CHRM3: variants seen among roughly 807,000 people sequenced by gnomAD.
The protein encoded by CHRM3 is cholinergic receptor muscarinic 3.
In CHRM3, 11 loss-of-function variants were observed where a neutral mutation model predicts 41.8. The ratio of observed to expected loss-of-function variants is 0.26; its 90% confidence interval spans 0.17 to 0.44. The LOEUF is 0.44. Ranked by LOEUF, CHRM3 falls within the 20% of genes least tolerant of loss-of-function variation. The pLI, the probability that CHRM3 is intolerant of heterozygous loss-of-function variation, is 1.00. For missense variants in CHRM3, 571 were observed against 745.4 expected (o/e 0.77, Z 2.72); for synonymous variants, 297 against 301.4 (o/e 0.99, Z 0.15).
intron 3 of CHRM3, among the ~76,000 whole-genome samples, chr1:239,621,865 CCA>C (rs1668400846): frequency 1.4e-5 from 2 of 143,290 alleles, no homozygotes; most frequent in African/African-American, 5.0e-5. Context: ...TGTAGATCGA[CCA>C]GCCTTCTGCT....
At chr1:239,660,211 G>A (rs1327204194) in intron 4 of CHRM3, among the ~76,000 whole-genome samples, 2 of 152,072 alleles carry the variant, frequency 1.3e-5, no homozygotes, top group African/African-American at 4.8e-5. Flanking sequence ...TCCAACTCCT[G>A]GCCTCAAGTG....
At chr1:239,737,271 ATGAGTAG>A (rs1279585531) in intron 5 of CHRM3, among the ~76,000 whole-genome samples, 1 of 152,166 alleles carries the variant, frequency 6.6e-6, no homozygotes, top group Non-Finnish European at 1.5e-5. Flanking sequence ...CTTTATCACC[ATGAGTAG>A]TGAGTAAAGC....
intron 5 of CHRM3, among the ~76,000 whole-genome samples, chr1:239,741,029 CTG>C (rs1664804240): frequency 6.6e-6 from 1 of 152,092 alleles, no homozygotes; most frequent in South Asian, 2.1e-4. Context: ...AACTCTTTGT[CTG>C]TGTTCTGTAA....
chr1:239,694,993 A>C (rs1660051605), intron 5 of CHRM3, among the ~76,000 whole-genome samples: 1 of 152,076 alleles, frequency 6.6e-6, no homozygotes, highest in Non-Finnish European at 1.5e-5. Flanking sequence ...GATTATTGAA[A>C]TGTTTTACTC....
chr1:239,736,366 G>T (rs1558498277), intron 5 of CHRM3, among the ~76,000 whole-genome samples: 1 of 151,782 alleles, frequency 6.6e-6, no homozygotes, highest in Non-Finnish European at 1.5e-5. Flanking sequence ...ACAAGGTGTA[G>T]TTAAAGCCAC....
intron 3 of CHRM3, among the ~76,000 whole-genome samples, chr1:239,558,689 C>T (rs1338756061): frequency 6.6e-6 from 1 of 152,176 alleles, no homozygotes; most frequent in Non-Finnish European, 1.5e-5. Flanking sequence ...TGGGCTGGCC[C>T]ATGTTCTCTT....
chr1:239,567,085 CA>C (rs1407659916), intron 3 of CHRM3, among the ~76,000 whole-genome samples: 2 of 152,018 alleles, frequency 1.3e-5, no homozygotes, highest in Non-Finnish European at 2.9e-5. Flanking sequence ...TTGCTCTTTC[CA>C]AACCATAAAC....
intron 5 of CHRM3, among the ~76,000 whole-genome samples, chr1:239,803,093 A>G (rs1424344136): frequency 6.6e-6 from 1 of 152,202 alleles, no homozygotes; most frequent in Non-Finnish European, 1.5e-5. Flanking sequence ...TGCATTCCTT[A>G]CATCACAATA....
chr1:239,754,676 G>T (rs115206404), intron 5 of CHRM3, among the ~76,000 whole-genome samples: 2 of 152,268 alleles, frequency 1.3e-5, no homozygotes, highest in East Asian at 3.9e-4. Context: ...ATATGAAAAG[G>T]CAGTCCACTC....
chr1:239,908,042 T>G lies in CHRM3; in HGVS notation c.591T>G (p.Phe197Leu), dbSNP rs202207074. 25 of 1,614,084 alleles carry G rather than the reference T, an allele frequency of 1.5e-5. No individual in the cohort carries two copies. Among genetic ancestry groups the G allele is most frequent in the Non-Finnish European group, 2.0e-5 (24 of 1,180,058 alleles). ...TCGGTCTGGCTTGGGTCATCTCCTT[T>G]GTCCTTTGGGCTCCTGCCATCTTGT... ...VMIGLAWVIS[F>L]VLWAPAILFW... is the part of the protein sequence containing the mutation. The change falls in exon 7 of 7, where the codon TTT becomes TTG. Residue 197 changes from phenylalanine to leucine, a missense_variant. Phe to Leu is a conservative substitution (Grantham distance 22). This residue lies in a region of CHRM3 where 153 missense variants were observed against 296.3 expected (regional missense o/e 0.52). Coordinates refer to ENST00000676153, the MANE Select transcript of CHRM3 (RefSeq NM_001375978.1). This position sits in a 1 kb window ranked among gnomAD's most constrained non-coding sequence, Gnocchi z 7.2.
intron 1 of CHRM3, among the ~76,000 whole-genome samples, chr1:239,412,541 A>T (rs1661182372): frequency 6.6e-6 from 1 of 150,780 alleles, no homozygotes; most frequent in Non-Finnish European, 1.5e-5. Context: ...ACAATTGTTC[A>T]GGTACGTGCC....
intron 2 of CHRM3, among the ~76,000 whole-genome samples, chr1:239,515,548 G>A (rs1227069668): frequency 6.6e-6 from 1 of 151,926 alleles, no homozygotes; most frequent in East Asian, 1.9e-4. Flanking sequence ...CATAAACAAA[G>A]AGGGAATTAT....
chr1:239,404,728 ATATATATAT>A (rs1404441594), intron 1 of CHRM3, among the ~76,000 whole-genome samples: 28 of 130,268 alleles, frequency 2.1e-4, no homozygotes, highest in African/African-American at 6.4e-4. Context: ...AAATATATAT[ATATATATAT>A]ATATATATAT....
intron 5 of CHRM3, among the ~76,000 whole-genome samples, chr1:239,804,219 A>T (rs1670442774): frequency 6.6e-6 from 1 of 152,192 alleles, no homozygotes; most frequent in Non-Finnish European, 1.5e-5. Context: ...GGAAGGTGGG[A>T]GCATATTATG....
At chr1:239,404,047 A>G (rs1262332666) in intron 1 of CHRM3, among the ~76,000 whole-genome samples, 1 of 143,938 alleles carries the variant, frequency 6.9e-6, no homozygotes, top group Admixed American at 7.2e-5. Flanking sequence ...CTGTAATCCC[A>G]GCACTTTGGG....
intron 5 of CHRM3, among the ~76,000 whole-genome samples, chr1:239,730,072 G>A (rs1415830067): frequency 6.6e-6 from 1 of 151,924 alleles, no homozygotes; most frequent in Non-Finnish European, 1.5e-5. Context: ...TTACAAAGAT[G>A]TAAGGCAATA....
At chr1:239,462,211 G>A (rs1333243820) in intron 1 of CHRM3, among the ~76,000 whole-genome samples, 1 of 152,132 alleles carries the variant, frequency 6.6e-6, no homozygotes, top group African/African-American at 2.4e-5. Context: ...TTTGAAAACT[G>A]AGGATACATT....
intron 5 of CHRM3, among the ~76,000 whole-genome samples, chr1:239,685,802 A>G (rs929388864): frequency 6.6e-6 from 1 of 152,156 alleles, no homozygotes; most frequent in Admixed American, 6.5e-5. Flanking sequence ...AGCCTGGGCA[A>G]CAGAGCAAGA....
chr1:239,618,552 A>T (rs1667915740), intron 3 of CHRM3, among the ~76,000 whole-genome samples: 1 of 151,902 alleles, frequency 6.6e-6, no homozygotes, highest in Non-Finnish European at 1.5e-5. Context: ...CACTTAAAAG[A>T]TAGTCAAGAT....
Sources: gnomAD v4.1 joint callset for allele counts (sites outside exome capture counted in the v4.1 genomes callset) on GRCh38, gnomAD v4.1.1 for gene constraint, gnomAD v4.1.1 regional missense constraint, Gnocchi (gnomAD v3.1) non-coding constraint, MANE v1.5 for transcripts, NCBI Gene and HGNC (gene_info 2026-07-23, HGNC 2026-07-21) for gene names.